Variants in MYO16 observed in about 807,000 individuals in gnomAD.
MYO16 encodes the protein myosin XVI.
A neutral mutation model predicts 205.3 loss-of-function variants in MYO16; 94 were observed. The ratio of observed to expected loss-of-function variants is 0.46; its 90% confidence interval spans 0.39 to 0.54. MYO16 has a LOEUF of 0.54. Among genes scored for constraint, MYO16 ranks in the 20% least tolerant of loss-of-function variants. The pLI, the probability that MYO16 is intolerant of heterozygous loss-of-function variation, is 0.00. For missense variants in MYO16, 2,315 were observed against 2,387.5 expected (o/e 0.97, Z 0.63); for synonymous variants, 988 against 954.0 (o/e 1.04, Z -0.66).
In MYO16 at chr13:108,984,404, G is replaced by C. The variant is rs138248611; in HGVS notation, c.2370-7972G>C. On this transcript the variant is annotated intron_variant, in intron 20 of 34. Coordinates refer to ENST00000457511, the MANE Select transcript of MYO16 (RefSeq NM_001198950.3). Reference sequence around the variant, plus strand: ...AGCCTGGATTCCTGCCTTTCCTGCAGTCACCATCCGCATACATTTGCCGTG... The same window carrying C: ...AGCCTGGATTCCTGCCTTTCCTGCACTCACCATCCGCATACATTTGCCGTG... Among the ~76,000 whole-genome samples the C allele has an allele frequency of 2.6e-5, 4 of 152,292 alleles. No individual in the cohort carries two copies. In the East Asian group the frequency reaches 7.7e-4, roughly 29 times the overall value.
chr13:109,088,550 C>CTT (rs79826723), intron 27 of MYO16, among the ~76,000 whole-genome samples: 28 of 149,540 alleles, frequency 1.9e-4, no homozygotes, highest in African/African-American at 6.6e-4. Context: ...ATTCAGCATT[C>CTT]TTTTTTTTTT....
rs1272939471 is a variant in MYO16, at chr13:108,705,260, G to A, written c.293-7401G>A. Among the ~76,000 whole-genome samples, 9 of 152,200 alleles carry A rather than the reference G, an allele frequency of 5.9e-5. No homozygotes were observed. In the South Asian group the frequency reaches 8.3e-4, roughly 14 times the overall value. Reference sequence around the variant, plus strand: ...TACCTACATGTTAATCATCAACATCGTCTGCTCTTGTTATCTAACCATTGA... The same window carrying A: ...TACCTACATGTTAATCATCAACATCATCTGCTCTTGTTATCTAACCATTGA... On this transcript the variant is annotated intron_variant, in intron 2 of 34. Transcript: ENST00000457511.
chr13:108,932,687 T>C (rs773592594), intron 16 of MYO16, among the ~76,000 whole-genome samples: 5 of 152,214 alleles, frequency 3.3e-5, no homozygotes, highest in Non-Finnish European at 5.9e-5. Flanking sequence ...GTTGTCTGGC[T>C]GTGCATCTGT....
In MYO16 at chr13:109,141,270, C is replaced by T. The variant is rs200683240; in HGVS notation, c.5058C>T (p.Ser1686=). 34 of 1,602,556 alleles carry T rather than the reference C, an allele frequency of 2.1e-5. No homozygotes were observed. The highest frequency in any genetic ancestry group is 2.7e-5 in the African/African-American group (2 of 74,100). The change falls in exon 32 of 35, where the codon AGC becomes AGT. Residue 1686 remains serine, a synonymous_variant. Coordinates refer to ENST00000457511, the MANE Select transcript of MYO16 (RefSeq NM_001198950.3). The surrounding 1 kb of genome is among the most constrained non-coding windows in gnomAD (Gnocchi z 4.1). Reference sequence around the variant, plus strand: ...CCCCCGCGCCCTACAGCCCTCCCAGCTCCAGGCCTCTCAGCAGCCCCCTGG... The same window carrying T: ...CCCCCGCGCCCTACAGCCCTCCCAGTTCCAGGCCTCTCAGCAGCCCCCTGG... The part of the protein sequence containing the change: ...ASPPAPYSPP[S]SRPLSSPLDE...
chr13:109,148,160 G>T (rs1415211977), intron 32 of MYO16, among the ~76,000 whole-genome samples: 1 of 152,140 alleles, frequency 6.6e-6, no homozygotes, highest in Non-Finnish European at 1.5e-5. Flanking sequence ...ACTTCGAAAT[G>T]AACTTTCAAT....
intron 15 of MYO16, among the ~76,000 whole-genome samples, chr13:108,908,027 T>G (rs1881076073): frequency 6.6e-6 from 1 of 152,180 alleles, no homozygotes; most frequent in African/African-American, 2.4e-5. Context: ...TTATTAATAT[T>G]AAACAGAAAA....
At chr13:108,934,580 T>C (rs1882399123) in intron 16 of MYO16, among the ~76,000 whole-genome samples, 1 of 152,116 alleles carries the variant, frequency 6.6e-6, no homozygotes, top group Non-Finnish European at 1.5e-5. Context: ...TTTTCGTTGT[T>C]CAGAAGCTCT....
chr13:108,696,225 A>T (rs1215539554), intron 2 of MYO16, among the ~76,000 whole-genome samples: 1 of 152,172 alleles, frequency 6.6e-6, no homozygotes, highest in African/African-American at 2.4e-5. Context: ...CAGCAATTCC[A>T]CCTCTAAGAA....
intron 10 of MYO16, among the ~76,000 whole-genome samples, chr13:108,846,143 A>G (rs756579895): frequency 1.3e-5 from 2 of 152,186 alleles, no homozygotes; most frequent in Non-Finnish European, 2.9e-5. Context: ...TATCCTGTAT[A>G]GAGGAAAAAT....
At chr13:108,779,603 AT>A in intron 4 of MYO16, 1 of 152,342 alleles carries the variant, frequency 6.6e-6, no homozygotes, top group South Asian at 2.1e-4. Context: ...CCAGCAAAAT[AT>A]GCTAGGAAGC....
Position 109,064,339 on chromosome 13 carries a change from A to T in MYO16, c.3335+8744A>T, listed in dbSNP as rs1887678089. 1.3e-5 allele frequency among the ~76,000 whole-genome samples: 2 copies of T among 152,160 alleles called. 1 individual carries two copies. The highest frequency in any genetic ancestry group is 4.1e-4 in the South Asian group (2 of 4,832). On this transcript the variant is annotated intron_variant, in intron 27 of 34. Transcript: ENST00000457511. Reference sequence around the variant, plus strand: ...GGCTGGTCACCCTTCCTGCCTCTGCATCCAAACTCTGTGCAACTGAAGGAA... The same window carrying T: ...GGCTGGTCACCCTTCCTGCCTCTGCTTCCAAACTCTGTGCAACTGAAGGAA...
At chr13:108,573,002 T>G in the MYO16 span, among the ~76,000 whole-genome samples, 1 of 152,170 alleles carries the variant, frequency 6.6e-6, no homozygotes, top group Admixed American at 6.5e-5. Flanking sequence ...GGAGGTAATA[T>G]CTGGAGCCAC....
intron 2 of MYO16, among the ~76,000 whole-genome samples, chr13:108,705,807 A>G (rs186089590): frequency 1.5e-3 from 231 of 152,302 alleles, no homozygotes; most frequent in African/African-American, 5.3e-3. Context: ...GAAAGACACA[A>G]ATCATGATAG....
intron 16 of MYO16, among the ~76,000 whole-genome samples, chr13:108,954,341 C>A (rs2139348366): frequency 6.6e-6 from 1 of 152,120 alleles, no homozygotes; most frequent in East Asian, 1.9e-4. Flanking sequence ...TTAACCTGTG[C>A]AATGATCAAG....
chr13:109,085,299 T>C (rs981070076), intron 27 of MYO16, among the ~76,000 whole-genome samples: 1 of 151,946 alleles, frequency 6.6e-6, no homozygotes, highest in African/African-American at 2.4e-5. Context: ...ATGAGAGTAA[T>C]TGAGGAAGAT....
intron 2 of MYO16, among the ~76,000 whole-genome samples, chr13:108,678,352 A>G (rs1882319578): frequency 6.6e-6 from 1 of 152,210 alleles, no homozygotes; most frequent in Non-Finnish European, 1.5e-5. Flanking sequence ...ACAGAACAGA[A>G]TCATATTCAC....
At chr13:108,517,003 T>G in the MYO16 span, among the ~76,000 whole-genome samples, 1 of 152,112 alleles carries the variant, frequency 6.6e-6, no homozygotes, top group African/African-American at 2.4e-5. Context: ...TAATTGTAGC[T>G]TATTGTAGCT....
intron 16 of MYO16, among the ~76,000 whole-genome samples, chr13:108,954,557 A>G (rs954278355): frequency 3.9e-5 from 6 of 152,114 alleles, no homozygotes; most frequent in Admixed American, 1.3e-4. Context: ...CCTGGGCAAC[A>G]TGGCAAGACC....
At chr13:109,023,916 T>C (rs1438385039) in intron 23 of MYO16, among the ~76,000 whole-genome samples, 1 of 138,702 alleles carries the variant, frequency 7.2e-6, no homozygotes, top group Non-Finnish European at 1.5e-5. Context: ...TATATAAGTA[T>C]AAAATACATA....
Sources: gnomAD v4.1 joint callset for allele counts (sites outside exome capture counted in the v4.1 genomes callset) on GRCh38, gnomAD v4.1.1 for gene constraint, Gnocchi (gnomAD v3.1) non-coding constraint, MANE v1.5 for transcripts, NCBI Gene and HGNC (gene_info 2026-07-23, HGNC 2026-07-21) for gene names.